The following SERPINA9 variants were observed in gnomAD, a reference collection of about 807,000 sequenced individuals.
The protein encoded by SERPINA9 is serpin A9.
SERPINA9 carries 32 observed loss-of-function variants against 24.5 expected under a neutral mutation model. The ratio of observed to expected loss-of-function variants is 1.30; its 90% CI spans 0.98 to 1.75. SERPINA9 has a LOEUF of 1.75. Ranked by LOEUF, SERPINA9 falls within the 40% of genes most tolerant of loss-of-function variation. SERPINA9 has a pLI of 0.00. For synonymous variants in SERPINA9, 233 were observed against 197.7 expected, an observed-to-expected ratio of 1.18 and a Z score of -1.50; for missense variants, 594 against 497.1, an observed-to-expected ratio of 1.19 and a Z score of -1.85.
chr14:94,470,209 G>A (rs1186564550), intron 1 of SERPINA9: 1 of 1,022,836 alleles, frequency 9.8e-7, no homozygotes, highest in African/African-American at 1.7e-5. Context: ...AATTGAGTAT[G>A]TGAACCCAGA....
chr14:94,469,921 C>G (rs1038317601), intron 1 of SERPINA9, 64 bp from the exon 2 acceptor site: 1 of 1,313,924 alleles, frequency 7.6e-7, no homozygotes, highest in Non-Finnish European at 1.0e-6. Context: ...ATCAGAGACC[C>G]TTTAACACCC....
At position 94,464,775 on chromosome 14, in the gene SERPINA9, G is replaced by T. The variant is rs767884108; in HGVS notation, c.982C>A (p.Gln328Lys). 1 of 1,612,852 alleles carries T rather than the reference G, an allele frequency of 6.2e-7. No homozygotes were observed. Among genetic ancestry groups the T allele is most frequent in the Non-Finnish European group, 8.5e-7 (1 of 1,178,840 alleles). Residue 328 changes from glutamine to lysine, a missense_variant, in exon 4 of 5, where the codon CAA becomes AAA. Gln to Lys is a moderately conservative substitution (Grantham distance 53, BLOSUM62 1). Transcript: ENST00000674397. Reference sequence around the variant, plus strand: ...TCAGCATTTTTGTCAAAGACATTTTGGATGCCCATCTTCGGGAGGATGGTT... The same window carrying T: ...TCAGCATTTTTGTCAAAGACATTTTTGATGCCCATCTTCGGGAGGATGGTT... The part of the protein sequence containing the change: ...LETILPKMGI[Q>K]NVFDKNADFS...
In SERPINA9 at chr14:94,471,577, T is replaced by G. The variant is rs77711003; in HGVS notation, c.-17-1720A>C. On this transcript the variant is annotated intron_variant, in intron 1 of 4. Coordinates refer to ENST00000674397, the MANE Select transcript of SERPINA9 (RefSeq NM_175739.4). ...GTTCATTTCTCTCCATTTCCACTTA[T>G]GTGATTGGCGATTTCTGTTGTGTAG... Among the ~76,000 whole-genome samples the G allele has an allele frequency of 1.0e-3, 153 of 152,332 alleles. No individual in the cohort carries two copies. The Middle Eastern group carries it at 0.01, about 10-fold the overall frequency.
chr14:94,466,760 C>T (rs1361760198), intron 3 of SERPINA9, among the ~76,000 whole-genome samples: 1 of 152,122 alleles, frequency 6.6e-6, no homozygotes, highest in Non-Finnish European at 1.5e-5. Context: ...ACCACCAATG[C>T]TTTTGTTTGC....
Position 94,469,283 on chromosome 14 carries a change from C to T in SERPINA9, c.558G>A (p.Lys186=), listed in dbSNP as rs771619370. The T allele has an allele frequency of 1.4e-5, 23 of 1,614,100 alleles. No individual in the cohort carries two copies. The African/African-American group carries it at 2.0e-4, about 14-fold the overall frequency. Residue 186 remains lysine, a synonymous_variant, in exon 2 of 5, where the codon AAG becomes AAA. Transcript: ENST00000674397. Reference sequence around the variant, plus strand: ...CAAGGCCTTGGATTATGTCTACAACCTTCCCTTGGGTCTTCTTTTTCACAT... The same window carrying T: ...CAAGGCCTTGGATTATGTCTACAACTTTCCCTTGGGTCTTCTTTTTCACAT... ...NSHVKKKTQG[K]VVDIIQGLDL... is the part of the protein sequence containing the mutation.
chr14:94,475,816 A>C (rs1899603477), intron 1 of SERPINA9: 3 of 410,064 alleles, frequency 7.3e-6, no homozygotes, highest in Non-Finnish European at 8.7e-6. Context: ...CAACAAAAAC[A>C]CTCCTTTCAC....
At chr14:94,468,342 G>A (rs1899118309) in intron 2 of SERPINA9, among the ~76,000 whole-genome samples, 1 of 152,132 alleles carries the variant, frequency 6.6e-6, no homozygotes, top group Non-Finnish European at 1.5e-5. Context: ...AGATAAACTA[G>A]TGCATGGATA....
At chr14:94,475,773 C>T (rs557670669) in intron 1 of SERPINA9, among the ~76,000 whole-genome samples, 1 of 152,294 alleles carries the variant, frequency 6.6e-6, no homozygotes, top group East Asian at 1.9e-4. Flanking sequence ...TCAAGTCTTG[C>T]TCGTTAAGAC....
chr14:94,470,019 T>G, intron 1 of SERPINA9, 162 bp from the exon 2 acceptor site: 1 of 656,102 alleles, frequency 1.5e-6, no homozygotes, highest in Non-Finnish European at 2.3e-6. Flanking sequence ...ATTCCCATGA[T>G]GTAGATCTTA....
chr14:94,469,188 A>G (rs763935458), intron 2 of SERPINA9, 25 bp downstream of exon 2: 7 of 1,579,808 alleles, frequency 4.4e-6, no homozygotes, highest in African/African-American at 4.1e-5. Flanking sequence ...ATAAATAAAT[A>G]AAAATCAACT....
chr14:94,472,372 G>T (rs555515532), intron 1 of SERPINA9, among the ~76,000 whole-genome samples: 2 of 130,148 alleles, frequency 1.5e-5, no homozygotes, highest in African/African-American at 5.4e-5. Flanking sequence ...AGCTATTACC[G>T]GCTTGAGAGG....
intron 1 of SERPINA9, among the ~76,000 whole-genome samples, chr14:94,471,412 T>C (rs1234838401): frequency 6.6e-6 from 1 of 152,190 alleles, no homozygotes; most frequent in East Asian, 1.9e-4. Flanking sequence ...AAGCATAATG[T>C]GACAGCCACA....
intron 2 of SERPINA9, among the ~76,000 whole-genome samples, chr14:94,468,529 A>G (rs1899128444): frequency 6.6e-6 from 1 of 152,226 alleles, no homozygotes; most frequent in South Asian, 2.1e-4. Context: ...CAGCACAGAG[A>G]CTGGCACAGG....
In SERPINA9 at chr14:94,467,006, G is replaced by T; in HGVS notation, c.902+103C>A. 1.2e-5 allele frequency: 16 copies of T among 1,327,998 alleles called. No individual in the cohort carries two copies. The South Asian group carries it at 1.9e-4, about 16-fold the overall frequency. The allele number at this position is 1,327,998 out of a possible 1,614,324, so 82.3% of individuals were successfully genotyped here. On this transcript the variant is annotated intron_variant, in intron 3 of 4. Transcript: ENST00000674397. ...GTCCTGCATGCAGTTGGTGCTCACT[G>T]TGCAGAAGTGATTATCCAACAGCTG...
chr14:94,475,846 A>C, intron 1 of SERPINA9: 1 of 488,708 alleles, frequency 2.0e-6, no homozygotes, highest in Non-Finnish European at 3.6e-6. Context: ...TGCTTCTAGC[A>C]GCTGCCCTAT....
intron 1 of SERPINA9, among the ~76,000 whole-genome samples, chr14:94,475,376 C>T (rs1174658073): frequency 2.0e-5 from 3 of 152,104 alleles, no homozygotes; most frequent in African/African-American, 7.2e-5. Flanking sequence ...AATGGATGCC[C>T]ACCCTGCTAC....
intron 3 of SERPINA9, among the ~76,000 whole-genome samples, chr14:94,466,394 C>T (rs1899007446): frequency 6.6e-6 from 1 of 152,200 alleles, no homozygotes; most frequent in Non-Finnish European, 1.5e-5. Flanking sequence ...TGGGGCATTG[C>T]CCAATCTCTT....
intron 2 of SERPINA9, among the ~76,000 whole-genome samples, chr14:94,467,755 T>C (rs186106115): frequency 6.6e-6 from 1 of 151,968 alleles, no homozygotes; most frequent in Non-Finnish European, 1.5e-5. Context: ...GATGGATAGA[T>C]GAATAGCTAA....
rs371331582 is a variant in SERPINA9, at chr14:94,469,515, G to A, written c.326C>T (p.Ala109Val). ...GFNLTHTPES[A>V]IHQGFQHLVH... is the part of the protein sequence containing the mutation. ...CAGGTGCTGGAAGCCCTGGTGGATG[G>A]CAGACTCTGGTGTGTGTGTGAGGTT... is the stretch of plus-strand genomic sequence containing the variant. The change falls in exon 2 of 5, where the codon GCC (alanine) becomes GTC (valine). Residue 109 changes from alanine to valine, a missense_variant. By Grantham distance (64) the Ala-to-Val change is moderately conservative. Coordinates refer to ENST00000674397, the MANE Select transcript of SERPINA9 (RefSeq NM_175739.4). 57 of 1,614,076 alleles carry A rather than the reference G, an allele frequency of 3.5e-5. No homozygotes were observed. Among genetic ancestry groups the A allele is most frequent in the Middle Eastern group, 3.3e-4 (2 of 6,084 alleles).
Sources: gnomAD v4.1 joint callset for allele counts (sites outside exome capture counted in the v4.1 genomes callset) on GRCh38, gnomAD v4.1.1 for gene constraint, MANE v1.5 for transcripts, NCBI Gene and HGNC (gene_info 2026-07-23, HGNC 2026-07-21) for gene names.